ARFIP1: variants seen among roughly 807,000 people sequenced by gnomAD.
The protein encoded by ARFIP1 is ARF interacting protein 1.
A neutral mutation model predicts 42.5 loss-of-function variants in ARFIP1; 24 were observed. That is an observed-to-expected ratio of 0.57 (90% confidence interval 0.41 to 0.80). The LOEUF is 0.80. ARFIP1 is among the 30% of genes least tolerant of loss of function. The pLI is 0.00. For missense variants in ARFIP1, 354 were observed against 434.0 expected, an observed-to-expected ratio of 0.82 and a Z score of 1.64; for synonymous variants, 141 against 153.7, an observed-to-expected ratio of 0.92 and a Z score of 0.61.
chr4:152,787,865 T>G (rs1336550461), intron 1 of ARFIP1, among the ~76,000 whole-genome samples: 3 of 152,222 alleles, frequency 2.0e-5, no homozygotes, highest in African/African-American at 7.2e-5. Flanking sequence ...GTCTCAAACA[T>G]TTTGGAAAAG....
At chr4:152,823,329 C>T (rs1379117924) in intron 1 of ARFIP1, among the ~76,000 whole-genome samples, 1 of 152,108 alleles carries the variant, frequency 6.6e-6, no homozygotes, top group Non-Finnish European at 1.5e-5. Flanking sequence ...TCATACAACC[C>T]CTCAAGCTTG....
chr4:152,888,972 C>T (rs559569502), intron 8 of ARFIP1, among the ~76,000 whole-genome samples: 1 of 152,190 alleles, frequency 6.6e-6, no homozygotes, highest in South Asian at 2.1e-4. Context: ...GATTGCAGTT[C>T]TGGAAATGGG....
chr4:152,821,308 C>T (rs1372140985), intron 1 of ARFIP1, among the ~76,000 whole-genome samples: 1 of 152,116 alleles, frequency 6.6e-6, no homozygotes, highest in Middle Eastern at 3.2e-3. Context: ...CCAACCAGAA[C>T]TTCTGGAAGC....
chr4:152,832,900 ATAAAT>A (rs980240675), intron 2 of ARFIP1, among the ~76,000 whole-genome samples: 3 of 152,232 alleles, frequency 2.0e-5, no homozygotes, highest in Non-Finnish European at 2.9e-5. Flanking sequence ...CTAACTCAAA[ATAAAT>A]TAAAAGCCTA....
chr4:152,814,711 A>G, intron 1 of ARFIP1, among the ~76,000 whole-genome samples: 1 of 152,192 alleles, frequency 6.6e-6, no homozygotes. Flanking sequence ...ATAAGGTAAG[A>G]TAAGGTAAGG....
chr4:152,787,926 T>A (rs1730905746), intron 1 of ARFIP1, among the ~76,000 whole-genome samples: 1 of 152,216 alleles, frequency 6.6e-6, no homozygotes, highest in Non-Finnish European at 1.5e-5. Context: ...CTTTCAAGTG[T>A]ATGGAAATAA....
intron 2 of ARFIP1, among the ~76,000 whole-genome samples, chr4:152,853,180 G>T (rs1407918796): frequency 1.3e-5 from 2 of 152,082 alleles, no homozygotes; most frequent in African/African-American, 4.8e-5. Context: ...TTGCCTGATT[G>T]TTTCTCATTA....
chr4:152,906,174 A>G (rs530220607), intron 8 of ARFIP1, among the ~76,000 whole-genome samples: 3 of 152,122 alleles, frequency 2.0e-5, no homozygotes, highest in Non-Finnish European at 4.4e-5. Flanking sequence ...TTCATTTTTC[A>G]TGACTTAATC....
chr4:152,792,150 A>G (rs948309297), intron 1 of ARFIP1, among the ~76,000 whole-genome samples: 28 of 152,194 alleles, frequency 1.8e-4, no homozygotes, highest in Non-Finnish European at 2.9e-4. Context: ...AAGTTTTGCT[A>G]CTTTTTGCTC....
chr4:152,790,035 C>T (rs1287598141), intron 1 of ARFIP1, among the ~76,000 whole-genome samples: 1 of 151,968 alleles, frequency 6.6e-6, no homozygotes, highest in African/African-American at 2.4e-5. Context: ...GCTTCTAGGC[C>T]CTCCCAGTGG....
intron 3 of ARFIP1, among the ~76,000 whole-genome samples, chr4:152,867,960 A>T (rs1357038430): frequency 6.6e-6 from 1 of 152,206 alleles, no homozygotes; most frequent in Non-Finnish European, 1.5e-5. Context: ...AATGAACATG[A>T]GAAAGAATAA....
At chr4:152,822,296 T>TAAA (rs70949618) in intron 1 of ARFIP1, among the ~76,000 whole-genome samples, 55 of 65,560 alleles carry the variant, frequency 8.4e-4, no homozygotes, top group African/African-American at 1.5e-3. Context: ...GCAACAGCAG[T>TAAA]AAAAAAAAAA....
intron 2 of ARFIP1, among the ~76,000 whole-genome samples, chr4:152,844,615 A>G (rs898529746): frequency 1.3e-5 from 2 of 152,134 alleles, no homozygotes; most frequent in African/African-American, 4.8e-5. Context: ...AAGCCTCCAT[A>G]GAAGCAATAA....
intron 2 of ARFIP1, among the ~76,000 whole-genome samples, chr4:152,857,540 A>G (rs538831685): frequency 3.2e-4 from 48 of 152,226 alleles, no homozygotes; most frequent in Non-Finnish European, 6.2e-4. Context: ...GTGTTTGTCA[A>G]GATTAAATGA....
intron 8 of ARFIP1, among the ~76,000 whole-genome samples, chr4:152,895,355 C>T (rs1488052834): frequency 3.9e-5 from 6 of 152,016 alleles, no homozygotes; most frequent in Non-Finnish European, 4.4e-5. Flanking sequence ...TTCCTTTATT[C>T]AGCAAATATT....
At chr4:152,782,299 A>G (rs1048234507) in intron 1 of ARFIP1, among the ~76,000 whole-genome samples, 1 of 152,068 alleles carries the variant, frequency 6.6e-6, no homozygotes, top group African/African-American at 2.4e-5. Context: ...GACCAAGGAA[A>G]GGAGAATGCA....
chr4:152,811,570 A>T (rs948947826), intron 1 of ARFIP1, among the ~76,000 whole-genome samples: 7 of 152,222 alleles, frequency 4.6e-5, no homozygotes, highest in Non-Finnish European at 1.0e-4. Context: ...TAAGTAGTAG[A>T]TTCAGTAATA....
At chr4:152,827,296 A>C (rs907984897) in intron 1 of ARFIP1, among the ~76,000 whole-genome samples, 2 of 152,334 alleles carry the variant, frequency 1.3e-5, no homozygotes, top group South Asian at 2.1e-4. Context: ...TTTCACAGCA[A>C]AATTGAGAAG....
intron 1 of ARFIP1, among the ~76,000 whole-genome samples, chr4:152,797,740 A>G (rs950275337): frequency 3.3e-5 from 5 of 151,820 alleles, no homozygotes; most frequent in African/African-American, 1.2e-4. Flanking sequence ...ATTTTCCCTG[A>G]TTATTGTTTT....
Sources: allele counts gnomAD v4.1 joint callset (sites outside exome capture counted in the v4.1 genomes callset), GRCh38; gene constraint gnomAD v4.1.1; transcripts MANE v1.5; gene names NCBI Gene and HGNC (gene_info 2026-07-23, HGNC 2026-07-21).